Variants in ANKRD30B observed in about 807,000 individuals in gnomAD.
ANKRD30B encodes the protein ankyrin repeat domain 30B, also known as ankyrin repeat domain-containing protein 30B.
A neutral mutation model predicts 202.2 loss-of-function variants in ANKRD30B; 144 were observed. The ratio of observed to expected loss-of-function variants is 0.71; its 90% CI spans 0.62 to 0.82. The LOEUF (loss-of-function observed/expected upper bound fraction) is 0.82, where lower values mean the gene tolerates loss of function less well. ANKRD30B is among the 40% of genes least tolerant of loss of function. ANKRD30B has a pLI of 0.00. For synonymous variants in ANKRD30B, 508 were observed against 561.3 expected (o/e 0.91, Z 1.34); for missense variants, 1,487 against 1,669.1 (o/e 0.89, Z 1.90).
the ANKRD30B span, among the ~76,000 whole-genome samples, chr18:14,926,002 TA>T: frequency 3.9e-4 from 59 of 151,420 alleles, no homozygotes; most frequent in East Asian, 2.7e-3. Context: ...GGTTTTCAGA[TA>T]AAAAAAAATG....
At chr18:14,759,162 G>A (rs1914860779) in intron 5 of ANKRD30B, 1 of 152,154 alleles carries the variant, frequency 6.6e-6, no homozygotes, top group Non-Finnish European at 1.5e-5. Context: ...TCACTGATCA[G>A]TCTTCACATA....
At chr18:14,873,950 C>T in the ANKRD30B span, among the ~76,000 whole-genome samples, 2 of 152,256 alleles carry the variant, frequency 1.3e-5, no homozygotes, top group South Asian at 4.1e-4. Context: ...CCTGGGGAAA[C>T]ACCCGGCATG....
At chr18:14,897,547 T>C in the ANKRD30B span, among the ~76,000 whole-genome samples, 2 of 152,178 alleles carry the variant, frequency 1.3e-5, no homozygotes, top group South Asian at 2.1e-4. Context: ...AAAAATCAAA[T>C]TGATTTTAGA....
chr18:14,772,231 A>AAAAT lies in ANKRD30B; in HGVS notation c.1329+4_1329+7dup. The stretch of plus-strand genomic sequence containing the variant: ...AAGACTTTAATCTTGCTACCAAGGT[A>AAAAT]AAATGTTCTTTTGTGAAGTTGATTT... On this transcript the variant is annotated splice_donor_region_variant and intron_variant, in intron 9 of 43. Coordinates refer to ENST00000690538, the MANE Select transcript of ANKRD30B (RefSeq NM_001367607.2). The AAAAT allele has an allele frequency of 6.7e-7, 1 of 1,485,972 alleles. No individual in the cohort carries two copies. Among genetic ancestry groups the AAAAT allele is most frequent in the East Asian group, 2.5e-5 (1 of 39,678 alleles). The allele number at this position is 1,485,972 out of a possible 1,614,324, so 92.0% of individuals were successfully genotyped here.
the ANKRD30B span, among the ~76,000 whole-genome samples, chr18:14,876,552 A>G: frequency 6.6e-6 from 1 of 152,156 alleles, no homozygotes; most frequent in Non-Finnish European, 1.5e-5. Flanking sequence ...CTTGGGTTGT[A>G]TTAGAAAGAT....
intron 3 of ANKRD30B, among the ~76,000 whole-genome samples, chr18:14,754,349 T>C (rs1173630249): frequency 6.6e-6 from 1 of 152,168 alleles, no homozygotes; most frequent in Non-Finnish European, 1.5e-5. Context: ...CACAAAAATA[T>C]ATTGTCAAGT....
At chr18:14,903,582 A>G in the ANKRD30B span, 8 of 152,292 alleles carry the variant, frequency 5.3e-5, no homozygotes, top group Non-Finnish European at 1.0e-4. Context: ...AGGAAAGACA[A>G]TTGTTCTCCT....
the ANKRD30B span, among the ~76,000 whole-genome samples, chr18:14,913,663 G>A: frequency 6.6e-6 from 1 of 152,064 alleles, no homozygotes; most frequent in East Asian, 1.9e-4. Context: ...AGAACTATTT[G>A]TATCAACATT....
the ANKRD30B span, among the ~76,000 whole-genome samples, chr18:14,876,487 G>C: frequency 6.6e-6 from 1 of 152,162 alleles, no homozygotes; most frequent in Admixed American, 6.5e-5. Flanking sequence ...AACTAACTTA[G>C]GATTCTGCTC....
At chr18:14,899,815 T>C in the ANKRD30B span, among the ~76,000 whole-genome samples, 2 of 152,144 alleles carry the variant, frequency 1.3e-5, no homozygotes, top group Non-Finnish European at 2.9e-5. Flanking sequence ...TATATTTAAC[T>C]CATTGTTCTT....
chr18:14,769,625 C>G (rs559237607), intron 8 of ANKRD30B, among the ~76,000 whole-genome samples: 3 of 152,192 alleles, frequency 2.0e-5, no homozygotes, highest in East Asian at 1.9e-4. Flanking sequence ...AGTAGCTGAC[C>G]CTTGAGTTTG....
the ANKRD30B span, among the ~76,000 whole-genome samples, chr18:14,880,663 T>C: frequency 6.6e-6 from 1 of 151,162 alleles, no homozygotes; most frequent in East Asian, 2.0e-4. Context: ...CCTACTGGGT[T>C]CAAGTGATTC....
downstream of ANKRD30B, among the ~76,000 whole-genome samples, chr18:14,855,384 A>C (rs895293906): frequency 6.6e-6 from 1 of 152,220 alleles, no homozygotes; most frequent in Non-Finnish European, 1.5e-5. Flanking sequence ...CAAAACTGCC[A>C]TCATCATCAT....
At chr18:14,856,156 A>G (rs1770739), downstream of ANKRD30B, among the ~76,000 whole-genome samples, 70,288 of 118,284 alleles carry the variant, frequency 0.59, 19,545 homozygotes, top group African/African-American at 0.72. Context: ...CCCAGATGGG[A>G]CGGCCAGGCA....
intron 34 of ANKRD30B, among the ~76,000 whole-genome samples, chr18:14,832,566 G>A (rs1297716417): frequency 1.3e-5 from 2 of 152,118 alleles, no homozygotes; most frequent in African/African-American, 2.4e-5. Context: ...ACATACTTGT[G>A]TGCATCCTAG....
chr18:14,850,943 T>C (rs939257066), intron 41 of ANKRD30B, among the ~76,000 whole-genome samples: 16 of 152,056 alleles, frequency 1.1e-4, no homozygotes, highest in African/African-American at 3.6e-4. Context: ...CCTTTCAGAA[T>C]TGTGATAACT....
chr18:14,879,225 G>A, the ANKRD30B span, among the ~76,000 whole-genome samples: 1 of 152,116 alleles, frequency 6.6e-6, no homozygotes, highest in Admixed American at 6.5e-5. Context: ...AGTTAGAAGG[G>A]TTCAGTGTGG....
intron 9 of ANKRD30B, among the ~76,000 whole-genome samples, chr18:14,774,924 G>A (rs1967258499): frequency 6.6e-6 from 1 of 151,890 alleles, no homozygotes; most frequent in Non-Finnish European, 1.5e-5. Flanking sequence ...TCAGGAGATC[G>A]AGACCATCCT....
At chr18:14,898,589 C>A in the ANKRD30B span, among the ~76,000 whole-genome samples, 1 of 152,156 alleles carries the variant, frequency 6.6e-6, no homozygotes, top group African/African-American at 2.4e-5. Context: ...AAATAGCTAT[C>A]TAGTTTTTTC....
Sources: gnomAD v4.1 joint callset for allele counts (sites outside exome capture counted in the v4.1 genomes callset) on GRCh38, gnomAD v4.1.1 for gene constraint, MANE v1.5 for transcripts, NCBI Gene and HGNC (gene_info 2026-07-23, HGNC 2026-07-21) for gene names.